Variants in RASGRF1 observed in about 807,000 individuals in gnomAD.
RASGRF1 encodes the protein ras-specific guanine nucleotide-releasing factor 1.
Under a neutral mutation model 138.7 loss-of-function variants are expected in RASGRF1, and 40 were observed. The ratio of observed to expected loss-of-function variants is 0.29; its 90% CI spans 0.22 to 0.38. The LOEUF is 0.38. Ranked by LOEUF, RASGRF1 falls within the 10% of genes least tolerant of loss-of-function variation. The pLI is 1.00. For missense variants in RASGRF1, 1,108 were observed against 1,650.4 expected (o/e 0.67, Z 5.69); for synonymous variants, 614 against 663.2 (o/e 0.93, Z 1.14).
intron 1 of RASGRF1, among the ~76,000 whole-genome samples, chr15:79,080,879 G>A (rs1199528986): frequency 6.6e-6 from 1 of 152,174 alleles, no homozygotes; most frequent in Non-Finnish European, 1.5e-5. Context: ...ATTTAGCAGC[G>A]AGAGCTCAGG....
chr15:78,962,805 C>T (rs555540121), intron 26 of RASGRF1, among the ~76,000 whole-genome samples: 1 of 152,268 alleles, frequency 6.6e-6, no homozygotes, highest in East Asian at 1.9e-4. Flanking sequence ...ATCACTTGAG[C>T]CCAGGAGGTC....
chr15:78,976,760 A>C (rs576605692), intron 24 of RASGRF1, among the ~76,000 whole-genome samples: 1 of 152,352 alleles, frequency 6.6e-6, no homozygotes, highest in African/African-American at 2.4e-5. Flanking sequence ...ACAACAGGCA[A>C]GTCCTGAACC....
intron 20 of RASGRF1, among the ~76,000 whole-genome samples, chr15:78,994,305 G>A (rs2141670791): frequency 6.6e-6 from 1 of 152,340 alleles, no homozygotes; most frequent in East Asian, 1.9e-4. Context: ...GCACTGCTCT[G>A]GGGGCAGAGT....
At chr15:79,031,686 G>T (rs2057140006) in intron 7 of RASGRF1, among the ~76,000 whole-genome samples, 177 bp from the exon 8 acceptor site, 1 of 145,714 alleles carries the variant, frequency 6.9e-6, no homozygotes, top group African/African-American at 2.6e-5. Context: ...GAGGGCGGGG[G>T]AAAGGGGGAG....
At chr15:78,993,894 A>G (rs1333640317) in intron 20 of RASGRF1, among the ~76,000 whole-genome samples, 1 of 152,128 alleles carries the variant, frequency 6.6e-6, no homozygotes, top group East Asian at 1.9e-4. Context: ...GGAAGCAGAG[A>G]TCAAAACTGA....
intron 20 of RASGRF1, among the ~76,000 whole-genome samples, chr15:78,993,289 CTGTGTGTGTGGTCTGG>C (rs2056317668): frequency 1.3e-5 from 1 of 77,650 alleles, no homozygotes; most frequent in Non-Finnish European, 2.8e-5. Context: ...TGTGTGGTGT[CTGTGTGTGTGGTCTGG>C]TGTGTGTGTG....
chr15:78,979,728 G>A (rs1201711986), intron 24 of RASGRF1, among the ~76,000 whole-genome samples: 1 of 152,250 alleles, frequency 6.6e-6, no homozygotes, highest in African/African-American at 2.4e-5. Context: ...ACCTTGACAA[G>A]CTCTGGAGGC....
chr15:79,068,587 CATATATATTTATATATATGTGT>C (rs897799680), intron 1 of RASGRF1, among the ~76,000 whole-genome samples: 8 of 146,898 alleles, frequency 5.4e-5, no homozygotes, highest in Non-Finnish European at 1.0e-4. Flanking sequence ...TATATACATA[CATATATATTTATATATATGTGT>C]ATATATACAC....
At chr15:79,049,440 G>T in intron 4 of RASGRF1, 56 bp downstream of exon 4, 1 of 1,535,406 alleles carries the variant, frequency 6.5e-7, no homozygotes, top group Non-Finnish European at 9.0e-7. Flanking sequence ...CCAACCCTGG[G>T]CTGGCTCTCT....
chr15:79,069,672 C>T (rs777639852), intron 1 of RASGRF1, among the ~76,000 whole-genome samples: 1 of 152,154 alleles, frequency 6.6e-6, no homozygotes, highest in Non-Finnish European at 1.5e-5. Context: ...ACTATAAATG[C>T]TGGTGTTTCT....
intron 1 of RASGRF1, among the ~76,000 whole-genome samples, chr15:79,089,189 C>T (rs563067924): frequency 6.6e-6 from 1 of 152,348 alleles, no homozygotes; most frequent in South Asian, 2.1e-4. Context: ...CTCTCTGGGC[C>T]TCAGTGTCCC....
At chr15:79,001,920 A>G in intron 15 of RASGRF1, 133 bp from the exon 16 acceptor site, 3 of 550,632 alleles carry the variant, frequency 5.4e-6, no homozygotes, top group Non-Finnish European at 5.3e-6. Context: ...CACTGAAGAA[A>G]GTTTAACAGC....
chr15:79,064,733 G>C, intron 1 of RASGRF1: 1 of 560,546 alleles, frequency 1.8e-6, no homozygotes, highest in Admixed American at 3.3e-5. Flanking sequence ...CAGAGCCTAT[G>C]CTTAGGATAT....
At chr15:79,019,765 G>T (rs1457789820) in intron 11 of RASGRF1, among the ~76,000 whole-genome samples, 2 of 152,248 alleles carry the variant, frequency 1.3e-5, no homozygotes, top group African/African-American at 4.8e-5. Context: ...AACCAGGAAG[G>T]TGGATCAGGG....
chr15:79,002,715 T>C (rs1443352472), intron 15 of RASGRF1, among the ~76,000 whole-genome samples: 1 of 152,230 alleles, frequency 6.6e-6, no homozygotes, highest in African/African-American at 2.4e-5. Context: ...CCTTGGTGAC[T>C]GACTTTCAGC....
At chr15:79,037,549 T>C (rs2057239080) in intron 5 of RASGRF1, among the ~76,000 whole-genome samples, 1 of 151,790 alleles carries the variant, frequency 6.6e-6, no homozygotes, top group African/African-American at 2.4e-5. Flanking sequence ...ATCTCCTCCT[T>C]CCGGTTTCAA....
chr15:79,027,676 C>T lies in RASGRF1; in HGVS notation c.1381+65G>A, dbSNP rs946625141. 4.3e-5 allele frequency: 64 copies of T among 1,489,644 alleles called. 1 individual carries two copies. The highest frequency in any genetic ancestry group is 4.3e-4 in the South Asian group (37 of 86,430). 92.3% of individuals were successfully genotyped at this position (1,489,644 alleles called of 1,614,324 possible). A position where few individuals can be genotyped will look rare whatever the true frequency, so the allele number is the denominator to read the frequency against. On this transcript the variant is annotated intron_variant, in intron 9 of 26. Coordinates refer to ENST00000558480, the MANE Select transcript of RASGRF1 (RefSeq NM_001145648.3). The surrounding 1 kb of genome is among the most constrained non-coding windows in gnomAD (Gnocchi z 4.8). ...ACCAACTGGTGGCGTCCCCGAGTGCCGCCTCCCTCCCGCTGCTGGGGCCCA... is the reference window on the plus strand; with the variant it reads ...ACCAACTGGTGGCGTCCCCGAGTGCTGCCTCCCTCCCGCTGCTGGGGCCCA...
intron 9 of RASGRF1, among the ~76,000 whole-genome samples, chr15:79,026,062 T>C (rs910655169): frequency 3.9e-5 from 6 of 152,130 alleles, no homozygotes; most frequent in East Asian, 1.9e-4. Flanking sequence ...TAGGAAGCCA[T>C]TACTGAGCAG....
chr15:78,965,386 C>T (rs559181324), intron 26 of RASGRF1, among the ~76,000 whole-genome samples: 1 of 152,284 alleles, frequency 6.6e-6, no homozygotes, highest in Middle Eastern at 3.4e-3. Flanking sequence ...ATTAGACCCC[C>T]TCAACAGGCC....
Sources: allele counts gnomAD v4.1 joint callset (sites outside exome capture counted in the v4.1 genomes callset), GRCh38; gene constraint gnomAD v4.1.1; non-coding constraint Gnocchi (gnomAD v3.1); transcripts MANE v1.5; gene names NCBI Gene and HGNC (gene_info 2026-07-23, HGNC 2026-07-21).